Variants in LEMD3 observed in about 807,000 individuals in gnomAD.
LEMD3 encodes inner nuclear membrane protein Man1.
Under a neutral mutation model 95.2 loss-of-function variants are expected in LEMD3, and 33 were observed. The ratio of observed to expected loss-of-function variants is 0.35; its 90% CI spans 0.26 to 0.46. The LOEUF is 0.46. LEMD3 is among the 20% of genes least tolerant of loss of function. The pLI is 1.00. For synonymous variants in LEMD3, 525 were observed against 474.6 expected (o/e 1.11, Z -1.38); for missense variants, 1,210 against 1,192.8 (o/e 1.01, Z -0.21).
intron 1 of LEMD3, among the ~76,000 whole-genome samples, chr12:65,184,102 TC>T (rs1166574984): frequency 6.6e-6 from 1 of 152,192 alleles, no homozygotes; most frequent in Non-Finnish European, 1.5e-5. Context: ...TTCTTATTCA[TC>T]ATGCTCTTTG....
chr12:65,216,165 T>G, intron 3 of LEMD3, 122 bp downstream of exon 3: 1 of 681,380 alleles, frequency 1.5e-6, no homozygotes, highest in South Asian at 1.8e-5. Flanking sequence ...CTTTAGAAGT[T>G]TTCATTACCT....
chr12:65,178,073 TG>T (rs1868782615), intron 1 of LEMD3, among the ~76,000 whole-genome samples: 1 of 152,142 alleles, frequency 6.6e-6, no homozygotes, highest in African/African-American at 2.4e-5. Flanking sequence ...CTTGAACTCC[TG>T]GGCTCAAGCG....
Position 65,170,367 on chromosome 12 carries a change from C to T in LEMD3, c.771C>T (p.Asn257=). The change falls in exon 1 of 13, where the codon AAC becomes AAT. Residue 257 remains asparagine, a synonymous_variant. Transcript: ENST00000308330. ...TTGTCCCCTACAGCTGCCGGGAAAA[C>T]TATTCGGACTCAGAGGAAGAGGACG... ...SRLVPYSCRE[N]YSDSEEEDDD... 1 of 1,613,242 alleles carries T rather than the reference C, an allele frequency of 6.2e-7. No homozygotes were observed. Among genetic ancestry groups the T allele is most frequent in the Non-Finnish European group, 8.5e-7 (1 of 1,179,602 alleles).
At chr12:65,240,703 A>G (rs1256347666) in intron 8 of LEMD3, 18 of 565,576 alleles carry the variant, frequency 3.2e-5, no homozygotes, top group Non-Finnish European at 5.0e-5. Context: ...GCTTTTGGGG[A>G]AAAAAAATAC....
At chr12:65,186,031 TG>T (rs1418185162) in intron 1 of LEMD3, among the ~76,000 whole-genome samples, 1 of 152,110 alleles carries the variant, frequency 6.6e-6, no homozygotes, top group Non-Finnish European at 1.5e-5. Context: ...TTTTATTTCA[TG>T]CTGAGATTGG....
chr12:65,181,898 GT>G (rs201544769), intron 1 of LEMD3, among the ~76,000 whole-genome samples: 55 of 145,836 alleles, frequency 3.8e-4, no homozygotes, highest in African/African-American at 8.3e-4. Flanking sequence ...GAAGTGTTTT[GT>G]TTTTTTTTTT....
chr12:65,181,202 CTTA>C (rs1868893284), intron 1 of LEMD3, among the ~76,000 whole-genome samples: 1 of 152,120 alleles, frequency 6.6e-6, no homozygotes, highest in Admixed American at 6.5e-5. Context: ...CTTGGTCAGC[CTTA>C]TTAAGGACTT....
chr12:65,169,849 G>A lies in LEMD3; in HGVS notation c.253G>A (p.Ala85Thr), dbSNP rs1411780418. Reference protein sequence around the residue: ...TVAAAGPAAAAAAGMGVRPVS... With the variant: ...TVAAAGPAAATAAGMGVRPVS... ...CGCAGCCGCGGGACCAGCGGCGGCGGCGGCCGCGGGGATGGGGGTCCGGCC... is the reference window on the plus strand; with the variant it reads ...CGCAGCCGCGGGACCAGCGGCGGCGACGGCCGCGGGGATGGGGGTCCGGCC... Residue 85 changes from alanine to threonine, a missense_variant, in exon 1 of 13, where the codon GCG (alanine) becomes ACG (threonine). Around this residue, in one of 2 missense-constraint regions of LEMD3, gnomAD observed 749 missense variants for 622.9 expected, o/e 1.20. Transcript: ENST00000308330. 3 of 1,458,960 alleles carry A rather than the reference G, an allele frequency of 2.1e-6. No individual in the cohort carries two copies. Among genetic ancestry groups the A allele is most frequent in the Non-Finnish European group, 2.7e-6 (3 of 1,102,280 alleles). 90.4% of individuals were successfully genotyped at this position (1,458,960 alleles called of 1,614,324 possible).
chr12:65,174,500 T>G (rs1432821131), intron 1 of LEMD3, among the ~76,000 whole-genome samples: 3 of 152,172 alleles, frequency 2.0e-5, no homozygotes, highest in Non-Finnish European at 4.4e-5. Context: ...ACATGACTTC[T>G]GCAGAAAGTT....
intron 2 of LEMD3, among the ~76,000 whole-genome samples, chr12:65,214,538 C>T (rs563254400): frequency 1.1e-4 from 16 of 152,198 alleles, no homozygotes; most frequent in Admixed American, 7.9e-4. Context: ...TTAGTATAAC[C>T]GATTAAAGCT....
intron 4 of LEMD3, among the ~76,000 whole-genome samples, chr12:65,232,628 A>G (rs562854409): frequency 6.6e-6 from 1 of 152,168 alleles, no homozygotes; most frequent in Non-Finnish European, 1.5e-5. Flanking sequence ...GCTCTTCTTG[A>G]GCTTTTTAAA....
At chr12:65,222,465 C>A (rs896820377) in intron 4 of LEMD3, among the ~76,000 whole-genome samples, 2 of 152,064 alleles carry the variant, frequency 1.3e-5, no homozygotes, top group Non-Finnish European at 2.9e-5. Flanking sequence ...ATTGTTTCAT[C>A]CTTTTCAATT....
At chr12:65,176,187 T>A (rs1457665259) in intron 1 of LEMD3, among the ~76,000 whole-genome samples, 1 of 152,226 alleles carries the variant, frequency 6.6e-6, no homozygotes, top group East Asian at 1.9e-4. Flanking sequence ...TCATTCCCTC[T>A]TGCTTAAAAT....
intron 1 of LEMD3, among the ~76,000 whole-genome samples, chr12:65,182,916 GTTA>G (rs1868949354): frequency 6.6e-6 from 1 of 152,164 alleles, no homozygotes; most frequent in South Asian, 2.1e-4. Context: ...CATGAGTACT[GTTA>G]TTATCAAAGT....
At chr12:65,238,454 G>C (rs1382092927) in intron 4 of LEMD3, 48 bp from the exon 5 acceptor site, 3 of 1,163,826 alleles carry the variant, frequency 2.6e-6, no homozygotes, top group Non-Finnish European at 2.6e-6. Flanking sequence ...TTTACAGAGA[G>C]TCGAATGTAG....
intron 4 of LEMD3, among the ~76,000 whole-genome samples, chr12:65,238,120 A>C (rs1371666741): frequency 2.0e-5 from 3 of 152,092 alleles, no homozygotes; most frequent in African/African-American, 7.2e-5. Context: ...GTACGAAAAA[A>C]GAAAATTAGC....
chr12:65,171,510 T>A (rs369162950), intron 1 of LEMD3: 1 of 242,686 alleles, frequency 4.1e-6, no homozygotes, highest in Non-Finnish European at 8.2e-6. Context: ...CAAATTGAGT[T>A]GTGATTCTAA....
At chr12:65,201,397 T>C (rs552728354) in intron 1 of LEMD3, among the ~76,000 whole-genome samples, 3 of 152,296 alleles carry the variant, frequency 2.0e-5, no homozygotes, top group South Asian at 2.1e-4. Context: ...AGAACTGACA[T>C]CTAGAAAATA....
At chr12:65,212,668 A>G (rs1018618466) in intron 2 of LEMD3, among the ~76,000 whole-genome samples, 1 of 152,252 alleles carries the variant, frequency 6.6e-6, no homozygotes, top group African/African-American at 2.4e-5. Context: ...CCAAAATGAA[A>G]AACAATAGTC....
Sources: allele counts gnomAD v4.1 joint callset (sites outside exome capture counted in the v4.1 genomes callset), GRCh38; gene constraint gnomAD v4.1.1; regional missense constraint gnomAD v4.1.1; transcripts MANE v1.5; gene names NCBI Gene and HGNC (gene_info 2026-07-23, HGNC 2026-07-21).